Variants in AK5 observed in about 807,000 individuals in gnomAD.
AK5 encodes the protein adenylate kinase isoenzyme 5.
A neutral mutation model predicts 69.5 loss-of-function variants in AK5; 27 were observed. That is an observed-to-expected ratio of 0.39 (90% CI 0.29 to 0.54). The LOEUF (loss-of-function observed/expected upper bound fraction) is 0.54, where lower values mean the gene tolerates loss of function less well. Among genes scored for constraint, AK5 ranks in the 20% least tolerant of loss-of-function variants. The pLI, the probability that AK5 is intolerant of heterozygous loss-of-function variation, is 0.71. For missense variants in AK5, 531 were observed against 700.4 expected (o/e 0.76, Z 2.73); for synonymous variants, 260 against 244.4 (o/e 1.06, Z -0.60).
chr1:77,398,641 C>T (rs12073309), intron 6 of AK5, among the ~76,000 whole-genome samples: 3,958 of 152,232 alleles, frequency 0.026, 160 homozygotes, highest in African/African-American at 0.088. Context: ...AGAGAAAAAA[C>T]GAGAACTGCA....
At chr1:77,392,171 C>T (rs997117859) in intron 6 of AK5, among the ~76,000 whole-genome samples, 17 of 152,150 alleles carry the variant, frequency 1.1e-4, no homozygotes, top group African/African-American at 4.1e-4. Flanking sequence ...TATGTTTAGG[C>T]CTGCCTGTAG....
chr1:77,542,718 T>C (rs1166774404), intron 13 of AK5, among the ~76,000 whole-genome samples: 1 of 152,204 alleles, frequency 6.6e-6, no homozygotes, highest in Middle Eastern at 3.2e-3. Flanking sequence ...ACATTAAAAT[T>C]ATTGAGAATT....
intron 8 of AK5, among the ~76,000 whole-genome samples, chr1:77,458,722 T>A (rs1653650297): frequency 6.6e-6 from 1 of 152,108 alleles, no homozygotes; most frequent in Non-Finnish European, 1.5e-5. Flanking sequence ...GATTCAATTA[T>A]CTCCCACCAG....
At chr1:77,502,422 C>A (rs763322291) in intron 10 of AK5, among the ~76,000 whole-genome samples, 3 of 152,320 alleles carry the variant, frequency 2.0e-5, no homozygotes, top group Non-Finnish European at 4.4e-5. Context: ...CCACTAACAT[C>A]TCATTGGTCA....
At chr1:77,470,875 A>ATTT (rs149758544) in intron 8 of AK5, among the ~76,000 whole-genome samples, 5 of 74,966 alleles carry the variant, frequency 6.7e-5, no homozygotes, top group African/African-American at 2.0e-4. Context: ...ATATATATAT[A>ATTT]TTTTTTTTTT....
intron 13 of AK5, among the ~76,000 whole-genome samples, chr1:77,552,330 C>T (rs182328052): frequency 1.9e-3 from 285 of 152,278 alleles, no homozygotes; most frequent in South Asian, 4.8e-3. Context: ...ATTCTGTTGC[C>T]GTAGTCCCTA....
At chr1:77,445,257 A>G (rs866036745) in intron 8 of AK5, among the ~76,000 whole-genome samples, 2 of 152,124 alleles carry the variant, frequency 1.3e-5, no homozygotes, top group African/African-American at 2.4e-5. Context: ...AACAGTATAC[A>G]AAAGTATTCC....
Position 77,425,252 on chromosome 1 carries a change from G to T in AK5, c.1059+7537G>T, listed in dbSNP as rs182963302. Among the ~76,000 whole-genome samples the T allele has an allele frequency of 4.6e-5, 7 of 152,246 alleles. 1 individual carries two copies. Among genetic ancestry groups the T allele is most frequent in the African/African-American group, 1.7e-4 (7 of 41,544 alleles). On this transcript the variant is annotated intron_variant, in intron 8 of 13. Coordinates refer to ENST00000354567, the MANE Select transcript of AK5 (RefSeq NM_174858.3). ...GGGGGAATTTGTTGCCAGCAGACCT[G>T]CCTGGCAAGAAATGTTAAAAGAACT...
chr1:77,445,933 T>C (rs1019874487), intron 8 of AK5, among the ~76,000 whole-genome samples: 6 of 152,302 alleles, frequency 3.9e-5, no homozygotes, highest in Admixed American at 2.6e-4. Flanking sequence ...CTTTTTAGTT[T>C]GATGTAGTTC....
chr1:77,547,439 A>G (rs1348807112), intron 13 of AK5, among the ~76,000 whole-genome samples: 2 of 151,942 alleles, frequency 1.3e-5, no homozygotes, highest in Admixed American at 1.3e-4. Context: ...ATGTGTGGCT[A>G]ATTTTTGTAT....
At chr1:77,375,972 A>T (rs1013052777) in intron 6 of AK5, among the ~76,000 whole-genome samples, 4 of 152,224 alleles carry the variant, frequency 2.6e-5, no homozygotes, top group African/African-American at 9.6e-5. Context: ...AACTGAGAGA[A>T]TGAAGGTACA....
chr1:77,413,118 C>T (rs1403411046), intron 7 of AK5, among the ~76,000 whole-genome samples: 1 of 152,098 alleles, frequency 6.6e-6, no homozygotes, highest in Non-Finnish European at 1.5e-5. Flanking sequence ...AAGAAAGCCC[C>T]AAATCCTTTG....
chr1:77,361,600 T>C (rs977521410), intron 6 of AK5, among the ~76,000 whole-genome samples: 11 of 152,174 alleles, frequency 7.2e-5, no homozygotes, highest in African/African-American at 2.4e-4. Context: ...ATGCTGCTGT[T>C]AAAGACATAC....
intron 9 of AK5, among the ~76,000 whole-genome samples, chr1:77,485,260 A>G (rs1655517418): frequency 6.6e-6 from 1 of 152,158 alleles, no homozygotes; most frequent in Admixed American, 6.5e-5. Context: ...ACGATCCCAA[A>G]CTTACTTCTA....
At chr1:77,488,230 C>T (rs951340582) in intron 10 of AK5, among the ~76,000 whole-genome samples, 1 of 152,198 alleles carries the variant, frequency 6.6e-6, no homozygotes, top group Non-Finnish European at 1.5e-5. Context: ...ACTCTTCCCA[C>T]ACTTATTTTA....
intron 8 of AK5, among the ~76,000 whole-genome samples, chr1:77,434,023 T>C (rs1651803823): frequency 6.6e-6 from 1 of 150,976 alleles, no homozygotes; most frequent in Non-Finnish European, 1.5e-5. Flanking sequence ...AGAAAAGAAC[T>C]CAAACCAGTA....
chr1:77,490,178 T>G (rs1331400533), intron 10 of AK5, among the ~76,000 whole-genome samples: 2 of 152,192 alleles, frequency 1.3e-5, no homozygotes, highest in Admixed American at 1.3e-4. Flanking sequence ...AAGCAGCTTG[T>G]TGCTGCTGTG....
In AK5 at chr1:77,475,399, A is replaced by T. The variant is rs556813779; in HGVS notation, c.1060-7918A>T. On this transcript the variant is annotated intron_variant, in intron 8 of 13. Coordinates refer to ENST00000354567, the MANE Select transcript of AK5 (RefSeq NM_174858.3). ...TATATTATATATATGTATATATATA[A>T]TATATATGTATATATATACTATATA... is the stretch of plus-strand genomic sequence containing the variant. 1.1e-4 allele frequency among the ~76,000 whole-genome samples: 2 copies of T among 18,764 alleles called. 1 individual carries two copies. Among genetic ancestry groups the T allele is most frequent in the East Asian group, 2.8e-3 (2 of 716 alleles). 12.3% of individuals were successfully genotyped at this position (18,764 alleles called of 152,430 possible). A position where few individuals can be genotyped will look rare whatever the true frequency, so the allele number is the denominator to read the frequency against.
At chr1:77,417,757 A>G (rs1437974292) in intron 8 of AK5, 42 bp downstream of exon 8, 1 of 1,231,794 alleles carries the variant, frequency 8.1e-7, no homozygotes, top group East Asian at 2.3e-5. Flanking sequence ...AAATGTTTTT[A>G]AGTTGAACCT....
Sources: gnomAD v4.1 joint callset for allele counts (sites outside exome capture counted in the v4.1 genomes callset) on GRCh38, gnomAD v4.1.1 for gene constraint, MANE v1.5 for transcripts, NCBI Gene and HGNC (gene_info 2026-07-23, HGNC 2026-07-21) for gene names.